The following SCFD2 variants were observed in gnomAD, a reference collection of about 807,000 sequenced individuals.
SCFD2 encodes sec1 family domain-containing protein 2.
A neutral mutation model predicts 58.9 loss-of-function variants in SCFD2; 54 were observed. The observed-to-expected ratio is 0.92, with a 90% CI of 0.74 to 1.15. The LOEUF (loss-of-function observed/expected upper bound fraction) is 1.15. Ranked by LOEUF, SCFD2 falls within the 50% of genes most tolerant of loss-of-function variation. The pLI, the probability that SCFD2 is intolerant of heterozygous loss-of-function variation, is 0.00. For synonymous variants in SCFD2, 321 were observed against 335.9 expected, an observed-to-expected ratio of 0.96 and a Z score of 0.49; for missense variants, 805 against 836.6, an observed-to-expected ratio of 0.96 and a Z score of 0.47.
intron 4 of SCFD2, among the ~76,000 whole-genome samples, chr4:53,219,171 A>G (rs1728963579): frequency 6.6e-6 from 1 of 152,194 alleles, no homozygotes; most frequent in Non-Finnish European, 1.5e-5. Context: ...AAGCTGTCAA[A>G]CAGGGACATT....
rs1406245933 is a variant in SCFD2 at position 53,172,788 on chromosome 4, T to C, written c.1312-27206A>G. On this transcript the variant is annotated intron_variant, in intron 4 of 8. Transcript: ENST00000401642. The stretch of plus-strand genomic sequence containing the variant: ...GATCTATCCTGAAGAATATTTCATG[T>C]GCAGTTGAAAAGAATGTGCATTCTG... Among the ~76,000 whole-genome samples the C allele has an allele frequency of 3.3e-5, 5 of 152,220 alleles. No individual in the cohort carries two copies. In the East Asian group the frequency reaches 5.8e-4, roughly 18 times the overall value.
rs1397267045 is a variant in SCFD2, at chr4:53,365,210, C to T, written c.732G>A (p.Gln244=). The change falls in exon 1 of 9, where the codon CAG becomes CAA. Residue 244 remains glutamine (Q), a synonymous_variant. Transcript: ENST00000401642. The surrounding 1 kb of genome is among the most constrained non-coding windows in gnomAD (Gnocchi z 4.3). ...AATTGGCCAGATCCGCAGCGATGAC[C>T]TGACTTAAGGAACCTACAGCAAAAC... ...EECFAVGSLS[Q]VIAADLANYA... The T allele has an allele frequency of 1.2e-6, 2 of 1,614,046 alleles. No individual in the cohort carries two copies. Among genetic ancestry groups the T allele is most frequent in the African/African-American group, 2.7e-5 (2 of 74,930 alleles).
At chr4:53,352,862 T>C (rs1190827489) in intron 1 of SCFD2, 96 bp from the exon 2 acceptor site, 1 of 1,081,866 alleles carries the variant, frequency 9.2e-7, no homozygotes, top group Non-Finnish European at 1.4e-6. Context: ...AAAAATAACA[T>C]ACATTTTTAG....
rs534021029 is a variant in SCFD2, at chr4:53,145,652, G to A, written c.1312-70C>T. 203 of 1,371,010 alleles carry A rather than the reference G, an allele frequency of 1.5e-4. No individual in the cohort carries two copies. In the African/African-American group the frequency reaches 2.5e-3, roughly 17 times the overall value. 84.9% of individuals were successfully genotyped at this position (1,371,010 alleles called of 1,614,324 possible). A position where few individuals can be genotyped will look rare whatever the true frequency, so the allele number is the denominator to read the frequency against. On this transcript the variant is annotated intron_variant, in intron 4 of 8. Transcript: ENST00000401642. The stretch of plus-strand genomic sequence containing the variant: ...ACATAATTTATGGATTACATTAGTC[G>A]AATGATAGCTTTCAAACAAGTCTGT...
intron 4 of SCFD2, among the ~76,000 whole-genome samples, chr4:53,239,221 G>C (rs1371503249): frequency 6.6e-6 from 1 of 152,126 alleles, no homozygotes; most frequent in East Asian, 1.9e-4. Context: ...GTGGCGGCGC[G>C]AGTCTGCAAT....
chr4:52,934,068 C>T lies in SCFD2; in HGVS notation c.1562-13198G>A, dbSNP rs188122969. ...TACACTTCTATTGTTTATAATTTAC[C>T]TAGTCTGTGATATTCTGCTATAGCA... On this transcript the variant is annotated intron_variant, in intron 5 of 8. Transcript: ENST00000401642. Among the ~76,000 whole-genome samples the T allele has an allele frequency of 1.2e-4, 18 of 152,158 alleles. No individual in the cohort carries two copies. In the East Asian group the frequency reaches 3.1e-3, roughly 26 times the overall value.
chr4:53,322,077 G>A (rs892953149), intron 2 of SCFD2, among the ~76,000 whole-genome samples: 3 of 152,150 alleles, frequency 2.0e-5, no homozygotes, highest in Admixed American at 1.3e-4. Context: ...TTGAACCAGA[G>A]CAACTCCATC....
At chr4:53,180,199 T>C (rs1727498582) in intron 4 of SCFD2, among the ~76,000 whole-genome samples, 1 of 152,160 alleles carries the variant, frequency 6.6e-6, no homozygotes, top group Non-Finnish European at 1.5e-5. Flanking sequence ...AGAATATACA[T>C]TCTTTTCAGC....
intron 4 of SCFD2, among the ~76,000 whole-genome samples, chr4:53,202,518 T>C (rs1728280284): frequency 6.6e-6 from 1 of 151,786 alleles, no homozygotes; most frequent in African/African-American, 2.4e-5. Flanking sequence ...GGCTCTTTTT[T>C]GGTTCCATAT....
chr4:52,981,974 A>G (rs1577877595), intron 5 of SCFD2, among the ~76,000 whole-genome samples: 1 of 152,300 alleles, frequency 6.6e-6, no homozygotes, highest in East Asian at 1.9e-4. Flanking sequence ...AAAGAAGGAA[A>G]TGGATTTGAG....
intron 5 of SCFD2, among the ~76,000 whole-genome samples, chr4:53,055,203 T>C (rs1479565405): frequency 6.6e-6 from 1 of 152,188 alleles, no homozygotes. Context: ...CTCCATTTTA[T>C]GTATCAGGAA....
intron 4 of SCFD2, among the ~76,000 whole-genome samples, chr4:53,249,056 A>G (rs1253231924): frequency 6.6e-6 from 1 of 152,178 alleles, no homozygotes; most frequent in African/African-American, 2.4e-5. Context: ...AAAAACTTTG[A>G]AAAAAATTTA....
chr4:53,337,365 T>C (rs1390351612), intron 2 of SCFD2, among the ~76,000 whole-genome samples: 1 of 152,214 alleles, frequency 6.6e-6, no homozygotes, highest in African/African-American at 2.4e-5. Flanking sequence ...ACCTCTTTAA[T>C]GGGCTTATCT....
chr4:53,056,110 T>C (rs1246659656), intron 5 of SCFD2, among the ~76,000 whole-genome samples: 1 of 150,736 alleles, frequency 6.6e-6, no homozygotes, highest in Admixed American at 6.6e-5. Context: ...GGGTGTCCTG[T>C]GACTTTGTAA....
In SCFD2 at chr4:53,138,326, C is replaced by A. The variant is rs1161676250; in HGVS notation, c.1561+7007G>T. On this transcript the variant is annotated intron_variant, in intron 5 of 8. Transcript: ENST00000401642. ...CTTTTAAATCAAGAATTTCTACATC[C>A]AAACACTATGCTTTTTTTGATATAC... Among the ~76,000 whole-genome samples the A allele has an allele frequency of 2.6e-5, 4 of 152,322 alleles. 1 individual carries two copies. The highest frequency in any genetic ancestry group is 3.9e-4 in the East Asian group (2 of 5,190).
chr4:53,314,886 TA>T (rs1284445991), intron 2 of SCFD2, among the ~76,000 whole-genome samples: 1 of 152,216 alleles, frequency 6.6e-6, no homozygotes. Context: ...CCACTTGTTT[TA>T]ATCTGATCAA....
In SCFD2 at chr4:53,225,061, G is replaced by A. The variant is rs1306975552; in HGVS notation, c.1311+48765C>T. On this transcript the variant is annotated intron_variant, in intron 4 of 8. Coordinates refer to ENST00000401642, the MANE Select transcript of SCFD2 (RefSeq NM_152540.4). Reference sequence around the variant, plus strand: ...AAAACATCTAGGTTGTTCCTAATTTGTCATTATTATAAATAAAAACCATAA... The same window carrying A: ...AAAACATCTAGGTTGTTCCTAATTTATCATTATTATAAATAAAAACCATAA... Among the ~76,000 whole-genome samples, 3 of 151,794 alleles carry A rather than the reference G, an allele frequency of 2.0e-5. No individual in the cohort carries two copies. The East Asian group carries it at 5.8e-4, about 29-fold the overall frequency.
At chr4:53,143,984 A>G (rs1726243837) in intron 5 of SCFD2, among the ~76,000 whole-genome samples, 1 of 152,184 alleles carries the variant, frequency 6.6e-6, no homozygotes, top group Admixed American at 6.5e-5. Flanking sequence ...ACAAAATAAC[A>G]TGAATGCCTT....
At chr4:53,236,843 TA>T (rs1560402100) in intron 4 of SCFD2, among the ~76,000 whole-genome samples, 8 of 101,222 alleles carry the variant, frequency 7.9e-5, no homozygotes, top group African/African-American at 1.5e-4. Context: ...TTTATTTATT[TA>T]TTTATTTATT....
Sources: allele counts gnomAD v4.1 joint callset (sites outside exome capture counted in the v4.1 genomes callset), GRCh38; gene constraint gnomAD v4.1.1; non-coding constraint Gnocchi (gnomAD v3.1); transcripts MANE v1.5; gene names NCBI Gene and HGNC (gene_info 2026-07-23, HGNC 2026-07-21).